The following ANKRD17 variants were observed in gnomAD, a reference collection of about 807,000 sequenced individuals.
ANKRD17 encodes ankyrin repeat domain-containing protein 17.
In ANKRD17, 19 loss-of-function variants were observed where a neutral mutation model predicts 229.7. The ratio of observed to expected loss-of-function variants is 0.08; its 90% CI spans 0.06 to 0.12. The LOEUF is 0.12. ANKRD17 is among the 10% of genes least tolerant of loss of function. The pLI is 1.00. For missense variants in ANKRD17, 2,176 were observed against 3,176.8 expected, an observed-to-expected ratio of 0.68 and a Z score of 7.57; for synonymous variants, 1,112 against 1,146.1, an observed-to-expected ratio of 0.97 and a Z score of 0.60.
chr4:73,237,638 A>T (rs1743624765), intron 1 of ANKRD17, among the ~76,000 whole-genome samples: 1 of 152,154 alleles, frequency 6.6e-6, no homozygotes, highest in Admixed American at 6.5e-5. Flanking sequence ...AAACAGCATG[A>T]TCAAATCTTT....
rs1044313759 is a variant in ANKRD17, at chr4:73,086,589, A to AT, written c.6962-1144dup. On this transcript the variant is annotated intron_variant, in intron 29 of 33. Transcript: ENST00000358602. Reference sequence around the variant, plus strand: ...AAAAGAAAGAAAATAATTGTCAACGATTTTTTTTTTTAATTTAGGAGACAG... The same window carrying AT: ...AAAAGAAAGAAAATAATTGTCAACGATTTTTTTTTTTTAATTTAGGAGACAG... Among the ~76,000 whole-genome samples, 511 of 147,114 alleles carry AT rather than the reference A, an allele frequency of 3.5e-3. 2 individuals are homozygous for AT. The highest frequency in any genetic ancestry group is 7.6e-3 in the Admixed American group (112 of 14,734).
intron 1 of ANKRD17, among the ~76,000 whole-genome samples, chr4:73,203,039 T>C (rs1738885024): frequency 6.6e-6 from 1 of 152,220 alleles, no homozygotes; most frequent in Admixed American, 6.5e-5. Flanking sequence ...ACAGTTAATT[T>C]AGACATTGCA....
chr4:73,119,096 A>G lies in ANKRD17; in HGVS notation c.4026-246T>C, dbSNP rs1323255990. On this transcript the variant is annotated intron_variant, in intron 21 of 33. Transcript: ENST00000358602. ...GAGATGGAGTCTTCCTATGTTACCC[A>G]GGCTGGTCTCGAACTCCTGGGCTCA... is the stretch of plus-strand genomic sequence containing the variant. 2.6e-5 allele frequency among the ~76,000 whole-genome samples: 4 copies of G among 151,896 alleles called. No individual in the cohort carries two copies. In the East Asian group the frequency reaches 7.8e-4, roughly 29 times the overall value.
intron 30 of ANKRD17, among the ~76,000 whole-genome samples, chr4:73,082,737 A>T (rs1409683746): frequency 6.6e-6 from 1 of 152,220 alleles, no homozygotes; most frequent in Non-Finnish European, 1.5e-5. Flanking sequence ...TTTCTTTGAA[A>T]GTTAAAGAAA....
intron 1 of ANKRD17, among the ~76,000 whole-genome samples, chr4:73,247,186 C>A (rs561515836): frequency 6.6e-6 from 1 of 152,116 alleles, no homozygotes; most frequent in African/African-American, 2.4e-5. Context: ...AAAACTTATA[C>A]TCAATGTTGA....
In ANKRD17 at chr4:73,208,818, A is replaced by G. The variant is rs184957281; in HGVS notation, c.394-31285T>C. Reference sequence around the variant, plus strand: ...ATATTAGTAGTAGAAAAGAAGAAAGATTACAAATAATAACCTAAGCTTCCA... The same window carrying G: ...ATATTAGTAGTAGAAAAGAAGAAAGGTTACAAATAATAACCTAAGCTTCCA... On this transcript the variant is annotated intron_variant, in intron 1 of 33. Transcript: ENST00000358602. 2.0e-5 allele frequency among the ~76,000 whole-genome samples: 3 copies of G among 152,358 alleles called. No homozygotes were observed. In the East Asian group the frequency reaches 5.8e-4, roughly 29 times the overall value.
At chr4:73,258,087 G>C (rs1745634760) in intron 1 of ANKRD17, among the ~76,000 whole-genome samples, 189 bp downstream of exon 1, 1 of 146,416 alleles carries the variant, frequency 6.8e-6, no homozygotes, top group South Asian at 2.2e-4. Flanking sequence ...CCACCCCCAC[G>C]TGTCAGCTAC....
intron 27 of ANKRD17, among the ~76,000 whole-genome samples, chr4:73,096,033 T>C (rs1182518327): frequency 6.6e-6 from 1 of 152,102 alleles, no homozygotes; most frequent in Non-Finnish European, 1.5e-5. Context: ...CTAAAAGAAA[T>C]ACAGTATAAA....
chr4:73,115,599 AT>A (rs1725851813), intron 23 of ANKRD17, among the ~76,000 whole-genome samples: 1 of 152,008 alleles, frequency 6.6e-6, no homozygotes, highest in Non-Finnish European at 1.5e-5. Context: ...CTCAAGTATT[AT>A]TTTTAAAGAT....
chr4:73,224,965 G>A (rs1298084040), intron 1 of ANKRD17, among the ~76,000 whole-genome samples: 1 of 152,152 alleles, frequency 6.6e-6, no homozygotes, highest in African/African-American at 2.4e-5. Flanking sequence ...TGCAAATCCA[G>A]AACTGATTGC....
chr4:73,230,322 G>C (rs1335229045), intron 1 of ANKRD17, among the ~76,000 whole-genome samples: 1 of 151,922 alleles, frequency 6.6e-6, no homozygotes, highest in Non-Finnish European at 1.5e-5. Flanking sequence ...AATAATTAAA[G>C]ATTTTTTTTT....
At position 73,109,283 on chromosome 4, in the gene ANKRD17, G is replaced by C. The variant is rs915603692; in HGVS notation, c.4401+4509C>G. 2.0e-5 allele frequency among the ~76,000 whole-genome samples: 3 copies of C among 148,940 alleles called. No homozygotes were observed. The Admixed American group carries it at 2.0e-4, about 10-fold the overall frequency. On this transcript the variant is annotated intron_variant, in intron 24 of 33. Transcript: ENST00000358602. ...CCACTGCTCTGCAGCATGGGTGACA[G>C]AGTGAGGCGCTGTCTCAAAAAAAAA...
chr4:73,200,400 G>A (rs765155390), intron 1 of ANKRD17, among the ~76,000 whole-genome samples: 11 of 152,164 alleles, frequency 7.2e-5, no homozygotes, highest in Middle Eastern at 3.4e-3. Flanking sequence ...AGTGTAAGAC[G>A]AGCCTGAGTA....
At chr4:73,229,952 C>G (rs1229804200) in intron 1 of ANKRD17, among the ~76,000 whole-genome samples, 1 of 151,932 alleles carries the variant, frequency 6.6e-6, no homozygotes, top group Non-Finnish European at 1.5e-5. Flanking sequence ...CTAAAGTAAT[C>G]CATCATATTA....
In ANKRD17 at chr4:73,132,121, T is replaced by C. The variant is rs576474820; in HGVS notation, c.3234+2996A>G. 5.9e-4 allele frequency among the ~76,000 whole-genome samples: 90 copies of C among 151,992 alleles called. 1 individual carries two copies. The South Asian group carries it at 0.015, about 25-fold the overall frequency. On this transcript the variant is annotated intron_variant, in intron 16 of 33. Coordinates refer to ENST00000358602, the MANE Select transcript of ANKRD17 (RefSeq NM_032217.5). Reference sequence around the variant, plus strand: ...ATAAAAACTAGTTGTTTTTTTTTTTTTTGAGACAGAGTTTCACTCTGTCGC... The same window carrying C: ...ATAAAAACTAGTTGTTTTTTTTTTTCTTGAGACAGAGTTTCACTCTGTCGC...
chr4:73,106,141 A>C (rs573939121), intron 24 of ANKRD17, among the ~76,000 whole-genome samples: 43 of 152,254 alleles, frequency 2.8e-4, no homozygotes, highest in Admixed American at 1.2e-3. Context: ...AAAAAGGGTC[A>C]AGTTAGACAG....
intron 30 of ANKRD17, chr4:73,080,812 T>C (rs919553002): frequency 2.0e-5 from 3 of 152,212 alleles, no homozygotes; most frequent in African/African-American, 4.8e-5. Context: ...TTCCACATTG[T>C]TTTGTTTTTT....
chr4:73,127,852 A>C (rs1013480407), intron 16 of ANKRD17, among the ~76,000 whole-genome samples: 1 of 152,250 alleles, frequency 6.6e-6, no homozygotes, highest in Non-Finnish European at 1.5e-5. Flanking sequence ...ATAACTCTAC[A>C]GACCAAATTC....
At chr4:73,164,524 G>C (rs954572578) in intron 2 of ANKRD17, among the ~76,000 whole-genome samples, 1 of 152,118 alleles carries the variant, frequency 6.6e-6, no homozygotes, top group Non-Finnish European at 1.5e-5. Context: ...GAAAAGAGCT[G>C]GGTGTGGTGG....
Sources: allele counts gnomAD v4.1 joint callset (sites outside exome capture counted in the v4.1 genomes callset), GRCh38; gene constraint gnomAD v4.1.1; transcripts MANE v1.5; gene names NCBI Gene and HGNC (gene_info 2026-07-23, HGNC 2026-07-21).